Variants in RBM6 observed in about 807,000 individuals in gnomAD.
RBM6 encodes RNA-binding protein 6.
RBM6 carries 23 observed loss-of-function variants against 140.4 expected under a neutral mutation model. The ratio of observed to expected loss-of-function variants is 0.16; its 90% CI spans 0.12 to 0.23. The LOEUF is 0.23. RBM6 is among the 10% of genes least tolerant of loss of function. The pLI is 1.00. For synonymous variants in RBM6, 439 were observed against 475.6 expected, an observed-to-expected ratio of 0.92 and a Z score of 1.00; for missense variants, 1,139 against 1,386.7, an observed-to-expected ratio of 0.82 and a Z score of 2.84.
At chr3:50,058,024 C>T in intron 9 of RBM6, 21 bp downstream of exon 9, 2 of 1,607,512 alleles carry the variant, frequency 1.2e-6, no homozygotes, top group East Asian at 2.2e-5. Flanking sequence ...TGTCAGGGCA[C>T]ATACCAGACT....
At chr3:50,050,081 A>G (rs1022179376) in intron 7 of RBM6, among the ~76,000 whole-genome samples, 4 of 151,188 alleles carry the variant, frequency 2.6e-5, no homozygotes, top group African/African-American at 9.7e-5. Context: ...GGCTCACTGT[A>G]CCCTTGACCT....
chr3:50,040,555 T>TAC (rs1485862605), intron 6 of RBM6, among the ~76,000 whole-genome samples: 2 of 147,750 alleles, frequency 1.4e-5, no homozygotes, highest in East Asian at 3.9e-4. Context: ...CATATATATA[T>TAC]ACACACACAT....
chr3:49,965,078 T>G (rs2084445343), intron 2 of RBM6, among the ~76,000 whole-genome samples: 1 of 152,210 alleles, frequency 6.6e-6, no homozygotes, highest in Admixed American at 6.6e-5. Flanking sequence ...ACTACTGATA[T>G]TTTATATTAG....
At chr3:50,076,265 G>A (rs550969528) in intron 20 of RBM6, among the ~76,000 whole-genome samples, 117 of 150,596 alleles carry the variant, frequency 7.8e-4, no homozygotes, top group African/African-American at 2.7e-3. Flanking sequence ...CACTGTGCCC[G>A]GCCAAAAGAT....
At chr3:49,980,260 C>T (rs2085249264) in intron 5 of RBM6, among the ~76,000 whole-genome samples, 1 of 151,906 alleles carries the variant, frequency 6.6e-6, no homozygotes, top group African/African-American at 2.4e-5. Flanking sequence ...CCACCTTGGC[C>T]TCCCAAAGTG....
intron 1 of RBM6, among the ~76,000 whole-genome samples, chr3:49,951,706 T>A (rs1297080168): frequency 6.8e-6 from 1 of 147,880 alleles, no homozygotes; most frequent in East Asian, 2.1e-4. Context: ...GTTATTATTA[T>A]TATTATTATT....
chr3:50,031,772 G>T (rs2088181839), intron 6 of RBM6, among the ~76,000 whole-genome samples: 1 of 152,088 alleles, frequency 6.6e-6, no homozygotes, highest in South Asian at 2.1e-4. Context: ...GGTGAGTATA[G>T]TCAATAATGA....
In RBM6 at chr3:50,071,570, G is replaced by A. The variant is rs2108951664; in HGVS notation, c.3116+1018G>A. On this transcript the variant is annotated intron_variant, in intron 19 of 20. Coordinates refer to ENST00000266022, the MANE Select transcript of RBM6 (RefSeq NM_005777.3). ...CAACACAGAGAGGCTGAGGAAGGAG[G>A]ATCTCTTGAGCCTAGGAGTTCCAGG... Among the ~76,000 whole-genome samples, 2 of 152,246 alleles carry A rather than the reference G, an allele frequency of 1.3e-5. 1 individual carries two copies.
At chr3:50,074,981 C>G (rs983756363) in intron 19 of RBM6, among the ~76,000 whole-genome samples, 1 of 150,764 alleles carries the variant, frequency 6.6e-6, no homozygotes, top group African/African-American at 2.4e-5. Context: ...AACTCTGTCT[C>G]TACTGAAAAA....
intron 3 of RBM6, among the ~76,000 whole-genome samples, chr3:49,970,321 C>T (rs1442723133): frequency 9.9e-5 from 15 of 152,110 alleles, no homozygotes; most frequent in Admixed American, 3.3e-4. Flanking sequence ...TTCAAGCAGT[C>T]CCCCCACCTT....
chr3:50,075,456 G>A (rs2090432907), intron 20 of RBM6, 126 bp downstream of exon 20: 2 of 1,292,532 alleles, frequency 1.5e-6, no homozygotes, highest in African/African-American at 1.5e-5. Context: ...TAGGACATGA[G>A]AGTTGAACAC....
intron 1 of RBM6, among the ~76,000 whole-genome samples, chr3:49,941,678 A>C (rs2108555992): frequency 6.7e-6 from 1 of 148,912 alleles, no homozygotes; most frequent in East Asian, 1.9e-4. Context: ...AAACCCGCAA[A>C]ACTCAACAAA....
chr3:50,042,753 TA>T (rs371621988), intron 6 of RBM6, among the ~76,000 whole-genome samples: 2 of 148,512 alleles, frequency 1.3e-5, no homozygotes, highest in Non-Finnish European at 1.5e-5. Context: ...GTCTTTTTTT[TA>T]AAAAAAAAAG....
intron 5 of RBM6, among the ~76,000 whole-genome samples, chr3:49,994,092 C>A (rs2085956481): frequency 1.3e-5 from 2 of 152,188 alleles, no homozygotes; most frequent in South Asian, 4.1e-4. Context: ...GAGACAGGGT[C>A]TCACTCTGTT....
intron 19 of RBM6, among the ~76,000 whole-genome samples, chr3:50,074,102 T>C (rs1428900154): frequency 6.6e-6 from 1 of 151,994 alleles, no homozygotes; most frequent in African/African-American, 2.4e-5. Context: ...GTGCTGGGAT[T>C]ACAGGCGTGA....
At chr3:50,033,907 T>C (rs1354741293) in intron 6 of RBM6, among the ~76,000 whole-genome samples, 5 of 152,060 alleles carry the variant, frequency 3.3e-5, no homozygotes, top group African/African-American at 1.2e-4. Flanking sequence ...CCCAAAGTGG[T>C]AGGATTACAG....
chr3:49,942,697 A>G (rs1269907382), intron 1 of RBM6, among the ~76,000 whole-genome samples: 1 of 152,080 alleles, frequency 6.6e-6, no homozygotes, highest in Non-Finnish European at 1.5e-5. Context: ...GTTCAAGAAC[A>G]GCCTGGCCAA....
At chr3:49,989,764 C>T (rs924015813) in intron 5 of RBM6, among the ~76,000 whole-genome samples, 5 of 152,004 alleles carry the variant, frequency 3.3e-5, no homozygotes, top group African/African-American at 1.2e-4. Context: ...TATTTTGATA[C>T]AGAGTCTCTC....
At chr3:50,076,873 G>A (rs2090479061) in intron 20 of RBM6, 135 bp from the exon 21 acceptor site, 1 of 813,012 alleles carries the variant, frequency 1.2e-6, no homozygotes, top group East Asian at 3.3e-5. Context: ...GACAGAGCAT[G>A]ACTCCATCTA....
Sources: allele counts gnomAD v4.1 joint callset (sites outside exome capture counted in the v4.1 genomes callset), GRCh38; gene constraint gnomAD v4.1.1; transcripts MANE v1.5; gene names NCBI Gene and HGNC (gene_info 2026-07-23, HGNC 2026-07-21).